Variants in PC observed in about 807,000 individuals in gnomAD.
The protein encoded by PC is pyruvate carboxylase, mitochondrial.
Under a neutral mutation model 107.8 loss-of-function variants are expected in PC, and 46 were observed. That is an observed-to-expected ratio of 0.43 (90% CI 0.34 to 0.55). The LOEUF is 0.55. Among genes scored for constraint, PC ranks in the 20% least tolerant of loss-of-function variants. The pLI, the probability that PC is intolerant of heterozygous loss-of-function variation, is 0.04. For synonymous variants in PC, 662 were observed against 684.7 expected (o/e 0.97, Z 0.52); for missense variants, 1,241 against 1,643.1 (o/e 0.76, Z 4.23).
intron 12 of PC, chr11:66,860,033 C>T (rs769717031): frequency 6.3e-7 from 1 of 1,582,566 alleles, no homozygotes; most frequent in Non-Finnish European, 8.6e-7. Flanking sequence ...GGCCGCAGCG[C>T]AGCTGCTCTC....
At chr11:66,924,817 C>T (rs1195364423) in intron 3 of PC, among the ~76,000 whole-genome samples, 2 of 152,056 alleles carry the variant, frequency 1.3e-5, no homozygotes, top group Non-Finnish European at 2.9e-5. Flanking sequence ...GACAAAAGGA[C>T]AATGAAGGAG....
At chr11:66,886,794 C>T (rs550859595) in intron 3 of PC, among the ~76,000 whole-genome samples, 1 of 152,318 alleles carries the variant, frequency 6.6e-6, no homozygotes, top group African/African-American at 2.4e-5. Flanking sequence ...GAACAGACAG[C>T]TAGACAGTGA....
intron 3 of PC, among the ~76,000 whole-genome samples, chr11:66,899,455 T>C (rs1947874436): frequency 6.6e-6 from 1 of 152,102 alleles, no homozygotes; most frequent in African/African-American, 2.4e-5. Context: ...GGCACGACCA[T>C]AGTTCACTGC....
Position 66,858,764 on chromosome 11 carries a change from G to C in PC, c.1368+5010C>G. On this transcript the variant is annotated intron_variant, in intron 12 of 22. Transcript: ENST00000393960. This position sits in a 1 kb window ranked among gnomAD's most constrained non-coding sequence, Gnocchi z 5.9. ...CCAACGGGACCTTAGAGATTGGGGT[G>C]ACCGGCGCTGGGGACGCTGGGGGCT... The C allele has an allele frequency of 6.4e-7, 1 of 1,551,446 alleles. No individual in the cohort carries two copies. The highest frequency in any genetic ancestry group is 8.7e-7 in the Non-Finnish European group (1 of 1,147,820).
intron 16 of PC, 121 bp downstream of exon 16, chr11:66,851,669 G>A (rs989353726): frequency 2.1e-5 from 22 of 1,041,004 alleles, no homozygotes; most frequent in Non-Finnish European, 3.0e-5. Context: ...AGCCCCTGCT[G>A]CGTGTGGCCA....
intron 3 of PC, among the ~76,000 whole-genome samples, chr11:66,893,137 A>C (rs1342324292): frequency 6.6e-6 from 1 of 152,154 alleles, no homozygotes; most frequent in African/African-American, 2.4e-5. Context: ...GAGGACCCCC[A>C]CTGTGACCCC....
Position 66,852,713 on chromosome 11 carries a change from TCCC to T in PC, c.1603+31_1603+33del. 3 of 1,608,212 alleles carry T rather than the reference TCCC, an allele frequency of 1.9e-6. No individual in the cohort carries two copies. Among genetic ancestry groups the T allele is most frequent in the Non-Finnish European group, 2.6e-6 (3 of 1,175,320 alleles). ...ATCCTGCAGGTGGCAACCTCCTGTC[TCCC>T]CCATGAGTTGACAGAATGGATCTCA... On this transcript the variant is annotated intron_variant, in intron 14 of 22. Transcript: ENST00000393960. The surrounding 1 kb of genome is among the most constrained non-coding windows in gnomAD (Gnocchi z 4.7).
intron 3 of PC, among the ~76,000 whole-genome samples, chr11:66,883,408 A>T (rs995717758): frequency 6.6e-6 from 1 of 152,138 alleles, no homozygotes; most frequent in African/African-American, 2.4e-5. Flanking sequence ...TCACATGGGA[A>T]GGTCACTTGT....
At chr11:66,860,776 G>T in intron 12 of PC, 1 of 695,026 alleles carries the variant, frequency 1.4e-6, no homozygotes, top group Non-Finnish European at 2.6e-6. Flanking sequence ...GTAAAGCCTG[G>T]GGAGCACGTG....
intron 3 of PC, among the ~76,000 whole-genome samples, chr11:66,938,949 T>C (rs1176747873): frequency 6.6e-6 from 1 of 152,218 alleles, no homozygotes; most frequent in Non-Finnish European, 1.5e-5. Context: ...AGAACTGGAA[T>C]TGCTGTGTTA....
At chr11:66,859,490 C>T in intron 12 of PC, 5 of 1,465,836 alleles carry the variant, frequency 3.4e-6, no homozygotes, top group Non-Finnish European at 4.5e-6. Context: ...TGGCCACACT[C>T]TCCAGCCTGT....
intron 3 of PC, among the ~76,000 whole-genome samples, chr11:66,895,660 ATCT>A (rs768355351): frequency 6.6e-6 from 1 of 152,210 alleles, no homozygotes; most frequent in Non-Finnish European, 1.5e-5. Context: ...ATAAAAGGAA[ATCT>A]TCTAGAAACT....
chr11:66,850,030 C>A lies in PC; in HGVS notation c.2805G>T (p.Ala935=). ...GLSRAEAEAQ[A]EELSFPRSVV... is the part of the protein sequence containing the mutation. ...CGGAGCGGGGAAAGGACAGCTCTTCCGCCTGAGCTTCGGCCTCTGCCCGGC... is the reference window on the plus strand; with the variant it reads ...CGGAGCGGGGAAAGGACAGCTCTTCAGCCTGAGCTTCGGCCTCTGCCCGGC... The change falls in exon 20 of 23, where the codon GCG becomes GCT. Residue 935 remains alanine, a synonymous_variant. Coordinates refer to ENST00000393960, the MANE Select transcript of PC (RefSeq NM_001040716.2). 1 of 1,613,672 alleles carries A rather than the reference C, an allele frequency of 6.2e-7. No homozygotes were observed. Among genetic ancestry groups the A allele is most frequent in the Admixed American group, 1.7e-5 (1 of 60,032 alleles).
chr11:66,908,512 C>G (rs1199110715), intron 3 of PC, among the ~76,000 whole-genome samples: 1 of 152,184 alleles, frequency 6.6e-6, no homozygotes, highest in Admixed American at 6.5e-5. Flanking sequence ...CTAAAGGGCA[C>G]CCCAGTAAGA....
At chr11:66,908,911 C>T (rs970703419) in intron 3 of PC, among the ~76,000 whole-genome samples, 3 of 152,170 alleles carry the variant, frequency 2.0e-5, no homozygotes, top group African/African-American at 7.2e-5. Flanking sequence ...CTGTTTCCGC[C>T]TCTTCTCTAT....
In PC at chr11:66,857,953, A is replaced by G. The variant is rs1288434142; in HGVS notation, c.1369-4570T>C. ...GCCCTGGGGCCCCCTGACTTCCGCA[A>G]CATGACGGGACTGGTGGACCTGACA... On this transcript the variant is annotated intron_variant, in intron 12 of 22. Transcript: ENST00000393960. The surrounding 1 kb of genome is among the most constrained non-coding windows in gnomAD (Gnocchi z 7.1). 1.2e-6 allele frequency: 2 copies of G among 1,612,438 alleles called. No homozygotes were observed. The highest frequency in any genetic ancestry group is 1.7e-6 in the Non-Finnish European group (2 of 1,179,936).
intron 11 of PC, among the ~76,000 whole-genome samples, chr11:66,865,007 G>A (rs1234146918): frequency 1.3e-5 from 2 of 152,328 alleles, no homozygotes; most frequent in South Asian, 2.1e-4. Context: ...AGAAACTGTC[G>A]GCTAAAAATA....
intron 3 of PC, among the ~76,000 whole-genome samples, chr11:66,931,435 G>C (rs1003581766): frequency 6.6e-6 from 1 of 151,476 alleles, no homozygotes; most frequent in African/African-American, 2.4e-5. Context: ...GACTTCAACC[G>C]GGGAGGGAAC....
At chr11:66,933,795 G>A (rs904114298) in intron 3 of PC, among the ~76,000 whole-genome samples, 1 of 151,998 alleles carries the variant, frequency 6.6e-6, no homozygotes, top group African/African-American at 2.4e-5. Context: ...CCCATTCCCA[G>A]GCAGCCACCC....
Sources: gnomAD v4.1 joint callset for allele counts (sites outside exome capture counted in the v4.1 genomes callset) on GRCh38, gnomAD v4.1.1 for gene constraint, Gnocchi (gnomAD v3.1) non-coding constraint, MANE v1.5 for transcripts, NCBI Gene and HGNC (gene_info 2026-07-23, HGNC 2026-07-21) for gene names.